The following NUMA1 variants were observed in gnomAD, a reference collection of about 807,000 sequenced individuals.
NUMA1 encodes the protein SP-H antigen.
In NUMA1, 62 loss-of-function variants were observed where a neutral mutation model predicts 237.1. The ratio of observed to expected loss-of-function variants is 0.26; its 90% CI spans 0.21 to 0.32. NUMA1 has a LOEUF of 0.32. Among genes scored for constraint, NUMA1 ranks in the 10% least tolerant of loss-of-function variants. NUMA1 has a pLI of 1.00. For missense variants in NUMA1, 2,533 were observed against 2,666.5 expected, an observed-to-expected ratio of 0.95 and a Z score of 1.10; for synonymous variants, 1,028 against 1,066.1, an observed-to-expected ratio of 0.96 and a Z score of 0.70.
At chr11:72,067,870 TTTC>T (rs1279062865) in intron 2 of NUMA1, 3 of 152,190 alleles carry the variant, frequency 2.0e-5, no homozygotes, top group Non-Finnish European at 2.9e-5. Flanking sequence ...ACTGATGAGT[TTTC>T]AAGACCACTG....
At position 72,035,985 on chromosome 11, in the gene NUMA1, A is replaced by G. The variant is rs757223282; in HGVS notation, c.-32-10T>C. The G allele has an allele frequency of 6.2e-7, 1 of 1,600,770 alleles. No homozygotes were observed. Among genetic ancestry groups the G allele is most frequent in the African/African-American group, 1.3e-5 (1 of 74,688 alleles). On this transcript the variant is annotated splice_polypyrimidine_tract_variant and intron_variant, in intron 2 of 26. Transcript: ENST00000393695. Reference sequence around the variant, plus strand: ...AGTCACTCCAATGCGCCTGGAACCCAAGAGAGGAAGAAAAGCAGTTAATCA... The same window carrying G: ...AGTCACTCCAATGCGCCTGGAACCCGAGAGAGGAAGAAAAGCAGTTAATCA...
chr11:72,034,504 C>A (rs567576565), intron 3 of NUMA1, among the ~76,000 whole-genome samples: 1 of 151,790 alleles, frequency 6.6e-6, no homozygotes, highest in East Asian at 1.9e-4. Flanking sequence ...GTCAGGAGAT[C>A]GAGACCATCC....
chr11:72,003,731 C>G, intron 26 of NUMA1, 156 bp downstream of exon 26: 3 of 999,962 alleles, frequency 3.0e-6, no homozygotes, highest in Non-Finnish European at 4.6e-6. Flanking sequence ...TCTGTCTTCT[C>G]TCCTTGGAGA....
rs778101892 is a variant in NUMA1 at position 72,009,142 on chromosome 11, T to C, written c.4883A>G (p.Asn1628Ser). ...CCGCAGCTGCTCCTGCAGCTCTTGG[T>C]TCTGCTGCTTCTTGGCATCATAATG... is the stretch of plus-strand genomic sequence containing the variant. ...KTHYDAKKQQNQELQEQLRSL... is the reference protein window; with the variant it reads ...KTHYDAKKQQSQELQEQLRSL... Residue 1628 changes from asparagine (N) to serine (S), a missense_variant, in exon 19 of 27, where the codon AAC (asparagine) becomes AGC (serine). Physicochemically the swap from Asn to Ser is conservative, Grantham distance 46. Around this residue, in one of 3 missense-constraint regions of NUMA1, gnomAD observed 795 missense variants for 750.8 expected, o/e 1.06. Transcript: ENST00000393695. 1.9e-6 allele frequency: 3 copies of C among 1,610,568 alleles called. No homozygotes were observed. In the African/African-American group the frequency reaches 4.0e-5, roughly 22 times the overall value.
rs1955477823 is a variant in NUMA1 at position 72,004,016 on chromosome 11, T to G, written c.6207A>C (p.Ser2069=). 1 of 1,613,482 alleles carries G rather than the reference T, an allele frequency of 6.2e-7. No individual in the cohort carries two copies. The highest frequency in any genetic ancestry group is 8.5e-7 in the Non-Finnish European group (1 of 1,179,670). The change falls in exon 26 of 27, where the codon TCA becomes TCC. Residue 2069 remains serine (S), a synonymous_variant. Transcript: ENST00000393695. Reference sequence around the variant, plus strand: ...GGGAAGCCTTGGACAGGGCCTTCTTTGAGGCTCCCCGCCGCAGAAGGCTGT... The same window carrying G: ...GGGAAGCCTTGGACAGGGCCTTCTTGGAGGCTCCCCGCCGCAGAAGGCTGT... ...LGNSLLRRGA[S]KKALSKASPN...
rs369271669 is a variant in NUMA1, at chr11:72,037,727, C to T, written c.-32-1752G>A. 9.2e-5 allele frequency among the ~76,000 whole-genome samples: 14 copies of T among 152,330 alleles called. No homozygotes were observed. In the South Asian group the frequency reaches 2.9e-3, roughly 32 times the overall value. On this transcript the variant is annotated intron_variant, in intron 2 of 26. Transcript: ENST00000393695. The stretch of plus-strand genomic sequence containing the variant: ...CCCTGCAACATCCAACATGATTCCA[C>T]ATGTCATACCAGCATCAGTCTTGGA...
chr11:72,077,344 AAAG>A (rs1376681310), intron 1 of NUMA1, among the ~76,000 whole-genome samples: 1 of 152,240 alleles, frequency 6.6e-6, no homozygotes, highest in Non-Finnish European at 1.5e-5. Context: ...AAATGACAGC[AAAG>A]AAGATCTTAA....
chr11:72,074,474 G>A (rs1457443982), intron 1 of NUMA1, among the ~76,000 whole-genome samples: 3 of 152,244 alleles, frequency 2.0e-5, no homozygotes, highest in Non-Finnish European at 4.4e-5. Flanking sequence ...AGACCAGGCT[G>A]GGTGTGGTGG....
At chr11:72,067,585 A>G (rs985035735) in intron 2 of NUMA1, 3 of 152,194 alleles carry the variant, frequency 2.0e-5, no homozygotes, top group Non-Finnish European at 1.5e-5. Flanking sequence ...AGCTGTGACT[A>G]TAAGTAGAGA....
chr11:72,005,270 G>A lies in NUMA1; in HGVS notation c.5792C>T (p.Pro1931Leu). 2 of 1,605,660 alleles carry A rather than the reference G, an allele frequency of 1.2e-6. No individual in the cohort carries two copies. Among genetic ancestry groups the A allele is most frequent in the Non-Finnish European group, 1.7e-6 (2 of 1,176,376 alleles). The change falls in exon 23 of 27, where the codon CCC becomes CTC. Residue 1931 changes from proline to leucine, a missense_variant. Pro to Leu is a moderately conservative substitution (Grantham distance 98). This residue lies in a region of NUMA1 where 795 missense variants were observed against 750.8 expected (regional missense o/e 1.06). Transcript: ENST00000393695. ...AELQQRNRVC[P>L]PHLKTCYPLE... ...GGGATAGCAGGTCTTCAGATGTGGG[G>A]GGCACACTCGATTGCGCTGCTGCAG...
At chr11:72,041,755 GC>G (rs1436134931) in intron 2 of NUMA1, 1 of 152,522 alleles carries the variant, frequency 6.6e-6, no homozygotes, top group Non-Finnish European at 1.5e-5. Context: ...CATGGGCACC[GC>G]CTGCCCTGCT....
chr11:72,004,344 A>G lies in NUMA1; in HGVS notation c.6007-3T>C, dbSNP rs201073408. On this transcript the variant is annotated splice_polypyrimidine_tract_variant and splice_region_variant and intron_variant, in intron 24 of 26. Coordinates refer to ENST00000393695, the MANE Select transcript of NUMA1 (RefSeq NM_006185.4). ...AAACAGCTGGTGGCCTTCTTAGACT[A>G]TGGAGAAGAGGACAGTTAGGCAGAC... 1.9e-6 allele frequency: 3 copies of G among 1,610,816 alleles called. No homozygotes were observed. The highest frequency in any genetic ancestry group is 3.4e-5 in the Admixed American group (2 of 59,050).
At chr11:72,077,004 A>G (rs1422723428) in intron 1 of NUMA1, among the ~76,000 whole-genome samples, 1 of 152,194 alleles carries the variant, frequency 6.6e-6, no homozygotes, top group African/African-American at 2.4e-5. Flanking sequence ...AAAGTTAGCT[A>G]ATAAAAATAA....
chr11:72,042,412 G>T (rs1485806227), intron 2 of NUMA1, among the ~76,000 whole-genome samples: 2 of 152,220 alleles, frequency 1.3e-5, no homozygotes, highest in African/African-American at 4.8e-5. Flanking sequence ...TTTCAAACTG[G>T]TGTGCTAACT....
At chr11:72,059,988 A>G (rs1288832191) in intron 2 of NUMA1, among the ~76,000 whole-genome samples, 1 of 152,188 alleles carries the variant, frequency 6.6e-6, no homozygotes. Flanking sequence ...CACATATGCA[A>G]CTGTTCATTC....
chr11:72,034,440 G>A (rs866747834), intron 3 of NUMA1, among the ~76,000 whole-genome samples: 6 of 151,872 alleles, frequency 4.0e-5, no homozygotes, highest in Admixed American at 6.6e-5. Flanking sequence ...CAGGCGTGGT[G>A]GCTCACACCT....
chr11:72,053,604 G>C (rs1942482863), intron 2 of NUMA1, among the ~76,000 whole-genome samples: 1 of 152,206 alleles, frequency 6.6e-6, no homozygotes, highest in African/African-American at 2.4e-5. Context: ...CTATAGTTCT[G>C]TAAAGCTTTA....
intron 2 of NUMA1, among the ~76,000 whole-genome samples, chr11:72,060,441 C>T (rs902815207): frequency 2.0e-5 from 3 of 151,964 alleles, no homozygotes; most frequent in South Asian, 2.1e-4. Context: ...CCCAGGAGTT[C>T]GAGACCAACC....
intron 21 of NUMA1, among the ~76,000 whole-genome samples, chr11:72,006,562 T>TAA: frequency 6.6e-6 from 1 of 152,134 alleles, no homozygotes; most frequent in South Asian, 2.1e-4. Context: ...TGCAAAGAAA[T>TAA]AAAGTGACTA....
Sources: gnomAD v4.1 joint callset for allele counts (sites outside exome capture counted in the v4.1 genomes callset) on GRCh38, gnomAD v4.1.1 for gene constraint, gnomAD v4.1.1 regional missense constraint, MANE v1.5 for transcripts, NCBI Gene and HGNC (gene_info 2026-07-23, HGNC 2026-07-21) for gene names.